MAML2: variants seen among roughly 807,000 people sequenced by gnomAD.
MAML2 encodes mastermind like transcriptional coactivator 2.
A neutral mutation model predicts 96.1 loss-of-function variants in MAML2; 22 were observed. The observed-to-expected ratio is 0.23, with a 90% CI of 0.16 to 0.33. The LOEUF (loss-of-function observed/expected upper bound fraction) is 0.33, where lower values mean the gene tolerates loss of function less well. Ranked by LOEUF, MAML2 falls within the 10% of genes least tolerant of loss-of-function variation. The pLI, the probability that MAML2 is intolerant of heterozygous loss-of-function variation, is 1.00. For synonymous variants in MAML2, 561 were observed against 521.3 expected, an observed-to-expected ratio of 1.08 and a Z score of -1.04; for missense variants, 1,367 against 1,392.4, an observed-to-expected ratio of 0.98 and a Z score of 0.29.
At chr11:96,182,964 T>C (rs985122537) in intron 1 of MAML2, among the ~76,000 whole-genome samples, 11 of 148,488 alleles carry the variant, frequency 7.4e-5, no homozygotes, top group Non-Finnish European at 1.2e-4. Context: ...TTTCTTTTTT[T>C]TTTTTTTTTT....
intron 1 of MAML2, among the ~76,000 whole-genome samples, chr11:96,103,935 G>T (rs1427785194): frequency 1.3e-5 from 2 of 152,146 alleles, no homozygotes; most frequent in Non-Finnish European, 2.9e-5. Context: ...CAGGCCTTTT[G>T]CATATACTGT....
intron 1 of MAML2, among the ~76,000 whole-genome samples, chr11:96,306,740 G>A (rs1477373786): frequency 6.6e-6 from 1 of 152,064 alleles, no homozygotes; most frequent in East Asian, 1.9e-4. Context: ...CTTTCCTTGA[G>A]GCTGAGTCAA....
At chr11:96,004,840 G>T (rs1459469877) in intron 2 of MAML2, among the ~76,000 whole-genome samples, 1 of 152,166 alleles carries the variant, frequency 6.6e-6, no homozygotes, top group East Asian at 1.9e-4. Context: ...GTTTGCTATG[G>T]TTTTAATAAT....
chr11:96,299,068 T>TATAC (rs1863350416), intron 1 of MAML2, among the ~76,000 whole-genome samples: 1 of 134,222 alleles, frequency 7.5e-6, no homozygotes, highest in South Asian at 2.3e-4. Flanking sequence ...AAAATATATA[T>TATAC]ATATATATAT....
At chr11:95,995,829 C>T (rs1857981075) in intron 2 of MAML2, among the ~76,000 whole-genome samples, 1 of 152,142 alleles carries the variant, frequency 6.6e-6, no homozygotes, top group East Asian at 1.9e-4. Context: ...TGTAGGCCAT[C>T]TGAGTTTAAG....
chr11:96,036,967 G>A (rs1858723884), intron 2 of MAML2, among the ~76,000 whole-genome samples: 1 of 152,174 alleles, frequency 6.6e-6, no homozygotes, highest in Non-Finnish European at 1.5e-5. Context: ...AGTGAAAGCG[G>A]AGTAGATAAT....
intron 1 of MAML2, among the ~76,000 whole-genome samples, chr11:96,148,659 TACACACACACAC>T (rs58470055): frequency 0.082 from 10,772 of 131,942 alleles, 513 homozygotes; most frequent in South Asian, 0.13. Context: ...TTCTGAAAAA[TACACACACACAC>T]ACACACACAC....
chr11:96,003,060 TGATGATGGG>T (rs1858120304), intron 2 of MAML2, among the ~76,000 whole-genome samples: 1 of 131,430 alleles, frequency 7.6e-6, no homozygotes, highest in Non-Finnish European at 1.6e-5. Flanking sequence ...ATGATGAACA[TGATGATGGG>T]GATGATGAGG....
At chr11:96,301,973 T>A (rs1261127676) in intron 1 of MAML2, among the ~76,000 whole-genome samples, 2 of 152,264 alleles carry the variant, frequency 1.3e-5, no homozygotes, top group African/African-American at 4.8e-5. Context: ...TATTTCTTAG[T>A]TCTTATTTTG....
intron 1 of MAML2, among the ~76,000 whole-genome samples, chr11:96,223,665 C>T (rs1805856895): frequency 1.3e-5 from 2 of 151,816 alleles, no homozygotes; most frequent in Non-Finnish European, 2.9e-5. Flanking sequence ...AATTTCATCA[C>T]CCCAGTAATA....
chr11:96,203,095 C>T (rs2135932313), intron 1 of MAML2, among the ~76,000 whole-genome samples: 1 of 152,204 alleles, frequency 6.6e-6, no homozygotes, highest in African/African-American at 2.4e-5. Context: ...ACATATCAGG[C>T]TACAATAATA....
intron 2 of MAML2, among the ~76,000 whole-genome samples, chr11:96,031,955 C>A (rs1222454789): frequency 6.6e-6 from 1 of 151,596 alleles, no homozygotes; most frequent in Non-Finnish European, 1.5e-5. Context: ...CACTGCACTC[C>A]AGCCTGGGTG....
intron 1 of MAML2, among the ~76,000 whole-genome samples, chr11:96,192,283 A>T (rs1452971994): frequency 6.6e-6 from 1 of 152,202 alleles, no homozygotes; most frequent in Non-Finnish European, 1.5e-5. Flanking sequence ...TTTTGAGAAA[A>T]GGTGCATGCA....
intron 1 of MAML2, among the ~76,000 whole-genome samples, chr11:96,196,504 A>C (rs114096023): frequency 8.8e-4 from 134 of 152,370 alleles, no homozygotes; most frequent in African/African-American, 2.6e-3. Flanking sequence ...GGGATTGACC[A>C]TTGAAGTCAA....
intron 2 of MAML2, among the ~76,000 whole-genome samples, chr11:96,082,793 G>A (rs1393940040): frequency 6.6e-6 from 1 of 152,226 alleles, no homozygotes; most frequent in African/African-American, 2.4e-5. Context: ...CAGTATCAAA[G>A]CACGAAGGCA....
At chr11:96,075,862 C>T (rs746885146) in intron 2 of MAML2, among the ~76,000 whole-genome samples, 1 of 152,128 alleles carries the variant, frequency 6.6e-6, no homozygotes, top group Non-Finnish European at 1.5e-5. Context: ...TCTTACTAAT[C>T]GGCATTCAGA....
chr11:96,108,622 T>C (rs1860065952), intron 1 of MAML2, among the ~76,000 whole-genome samples: 1 of 152,236 alleles, frequency 6.6e-6, no homozygotes, highest in South Asian at 2.1e-4. Context: ...TAAAGCAGTT[T>C]CTGACACATA....
intron 1 of MAML2, among the ~76,000 whole-genome samples, chr11:96,239,972 G>T (rs1405731559): frequency 6.6e-6 from 1 of 152,172 alleles, no homozygotes; most frequent in Non-Finnish European, 1.5e-5. Flanking sequence ...AGAGATCATT[G>T]AGATTAAGGG....
chr11:96,300,321 C>G (rs982390249), intron 1 of MAML2, among the ~76,000 whole-genome samples: 1 of 152,080 alleles, frequency 6.6e-6, no homozygotes, highest in Non-Finnish European at 1.5e-5. Flanking sequence ...AGATGAGAAG[C>G]CTTGGCAAGC....
Sources: allele counts gnomAD v4.1 joint callset (sites outside exome capture counted in the v4.1 genomes callset), GRCh38; gene constraint gnomAD v4.1.1; transcripts MANE v1.5; gene names NCBI Gene and HGNC (gene_info 2026-07-23, HGNC 2026-07-21).